The following DOCK1 variants were observed in gnomAD, a reference collection of about 807,000 sequenced individuals.
The protein encoded by DOCK1 is dedicator of cytokinesis 1.
Under a neutral mutation model 262.7 loss-of-function variants are expected in DOCK1, and 138 were observed. That is an observed-to-expected ratio of 0.53 (90% CI 0.46 to 0.61). The LOEUF (loss-of-function observed/expected upper bound fraction) is 0.61. DOCK1 is among the 20% of genes least tolerant of loss of function. The pLI is 0.00. For missense variants in DOCK1, 1,908 were observed against 2,370.7 expected (o/e 0.80, Z 4.05); for synonymous variants, 866 against 867.4 (o/e 1.00, Z 0.03).
At chr10:127,427,396 G>A (rs2068888630) in intron 47 of DOCK1, among the ~76,000 whole-genome samples, 1 of 152,162 alleles carries the variant, frequency 6.6e-6, no homozygotes, top group Non-Finnish European at 1.5e-5. Flanking sequence ...ATTGAACCCT[G>A]TTTTCTTTGA....
At chr10:127,050,849 A>AT (rs2044678701) in intron 21 of DOCK1, among the ~76,000 whole-genome samples, 1 of 152,230 alleles carries the variant, frequency 6.6e-6, no homozygotes, top group African/African-American at 2.4e-5. Flanking sequence ...ATTTTAAAAA[A>AT]TTAAGCTTCT....
At chr10:127,402,843 G>A (rs1477176019) in intron 38 of DOCK1, 17 of 661,826 alleles carry the variant, frequency 2.6e-5, no homozygotes, top group Non-Finnish European at 4.2e-5. Flanking sequence ...TGACATGCCA[G>A]TGATTGACCT....
chr10:126,908,061 TA>T (rs2031192070), intron 1 of DOCK1, among the ~76,000 whole-genome samples: 1 of 151,392 alleles, frequency 6.6e-6, no homozygotes, highest in Non-Finnish European at 1.5e-5. Context: ...GCTTGCTGGG[TA>T]GACAGTAATG....
chr10:127,340,992 T>A lies in DOCK1; in HGVS notation c.3123+1908T>A, dbSNP rs796397685. Among the ~76,000 whole-genome samples the A allele has an allele frequency of 5.3e-5, 8 of 152,350 alleles. 2 individuals carry two copies. Among genetic ancestry groups the A allele is most frequent in the African/African-American group, 1.7e-4 (7 of 41,592 alleles). The stretch of plus-strand genomic sequence containing the variant: ...TTATTTCTTTTACAGCTATCTGGTT[T>A]CATGTTTTACTTGGCAAATCTCTCC... On this transcript the variant is annotated intron_variant, in intron 30 of 51. Transcript: ENST00000623213.
At chr10:127,351,333 T>A (rs1217501321) in intron 31 of DOCK1, among the ~76,000 whole-genome samples, 1 of 152,104 alleles carries the variant, frequency 6.6e-6, no homozygotes, top group Non-Finnish European at 1.5e-5. Context: ...GGCATGTGTG[T>A]TCCCCACTGT....
Position 127,447,530 on chromosome 10 carries a change from C to G in DOCK1, c.5550C>G (p.Pro1850=), listed in dbSNP as rs767534471. The G allele has an allele frequency of 5.0e-6, 8 of 1,613,766 alleles. No homozygotes were observed. In the African/African-American group the frequency reaches 9.3e-5, roughly 19 times the overall value. Residue 1850 remains proline (P), a synonymous_variant, in exon 51 of 52, where the codon CCC becomes CCG. Transcript: ENST00000623213. Reference sequence around the variant, plus strand: ...TGGGCTCGCCAACACCTCCACCTCCCCCTCCACACCAGAGGGTAAGTCGGC... The same window carrying G: ...TGGGCTCGCCAACACCTCCACCTCCGCCTCCACACCAGAGGGTAAGTCGGC... ...DLLGSPTPPP[P]PPHQRHLPPP...
chr10:127,375,937 A>C lies in DOCK1; in HGVS notation c.3675+1723A>C, dbSNP rs185825188. Among the ~76,000 whole-genome samples, 9 of 152,344 alleles carry C rather than the reference A, an allele frequency of 5.9e-5. No individual in the cohort carries two copies. In the East Asian group the frequency reaches 1.7e-3, roughly 29 times the overall value. On this transcript the variant is annotated intron_variant, in intron 35 of 51. Coordinates refer to ENST00000623213, the MANE Select transcript of DOCK1 (RefSeq NM_001290223.2). ...CTGACCCCAAAGTCAAAGAAACAGGAGGATACAGAGAACCACAGAGTGGAA... is the reference window on the plus strand; with the variant it reads ...CTGACCCCAAAGTCAAAGAAACAGGCGGATACAGAGAACCACAGAGTGGAA...
intron 29 of DOCK1, among the ~76,000 whole-genome samples, chr10:127,293,770 C>T (rs1382804425): frequency 1.3e-5 from 2 of 152,214 alleles, no homozygotes; most frequent in Non-Finnish European, 2.9e-5. Context: ...GTGTTGGTGG[C>T]ACCCACTGTG....
In DOCK1 at chr10:127,203,177, C is replaced by T. The variant is rs146643018; in HGVS notation, c.2848-44831C>T. ...TATTAAAATGATTCATCACAATATA[C>T]GTATCCCATCTATACCACAAGAGGC... On this transcript the variant is annotated intron_variant, in intron 27 of 51. Coordinates refer to ENST00000623213, the MANE Select transcript of DOCK1 (RefSeq NM_001290223.2). Among the ~76,000 whole-genome samples the T allele has an allele frequency of 3.0e-3, 460 of 152,320 alleles. 1 individual carries two copies. Among genetic ancestry groups the T allele is most frequent in the Middle Eastern group, 0.01 (3 of 294 alleles).
At chr10:126,946,543 C>T (rs2134299744) in intron 1 of DOCK1, among the ~76,000 whole-genome samples, 1 of 152,192 alleles carries the variant, frequency 6.6e-6, no homozygotes, top group South Asian at 2.1e-4. Flanking sequence ...GAGACTTCAT[C>T]TAAAAAAAGA....
chr10:127,198,741 C>CTT (rs1491137938), intron 27 of DOCK1, among the ~76,000 whole-genome samples: 2 of 36,576 alleles, frequency 5.5e-5, no homozygotes, highest in East Asian at 6.7e-4. Flanking sequence ...ATTGGCATCG[C>CTT]TTCTTTTTTT....
intron 38 of DOCK1, among the ~76,000 whole-genome samples, chr10:127,398,575 G>A (rs75274001): frequency 0.1 from 15,564 of 152,312 alleles, 862 homozygotes; most frequent in Middle Eastern, 0.16. Context: ...AGAGACCTGT[G>A]TGGGACTCTG....
intron 27 of DOCK1, among the ~76,000 whole-genome samples, chr10:127,199,472 G>T (rs1156864709): frequency 6.6e-6 from 1 of 152,164 alleles, no homozygotes; most frequent in Non-Finnish European, 1.5e-5. Context: ...AGTAGATAAA[G>T]ATTTCTTGGT....
At chr10:126,907,063 A>G (rs1248380724) in intron 1 of DOCK1, among the ~76,000 whole-genome samples, 3 of 152,148 alleles carry the variant, frequency 2.0e-5, no homozygotes, top group African/African-American at 7.2e-5. Context: ...TGTAACCTGC[A>G]CCCTGTGCAC....
intron 27 of DOCK1, among the ~76,000 whole-genome samples, chr10:127,199,272 C>T (rs2057350936): frequency 6.6e-6 from 1 of 152,068 alleles, no homozygotes; most frequent in South Asian, 2.1e-4. Context: ...CTTCTTTTGC[C>T]TTCTTCTTGG....
intron 29 of DOCK1, among the ~76,000 whole-genome samples, chr10:127,303,402 T>C (rs1193340870): frequency 1.3e-5 from 2 of 152,112 alleles, no homozygotes; most frequent in Non-Finnish European, 2.9e-5. Flanking sequence ...AATGCCTAGT[T>C]GAGAAGAGAG....
chr10:127,169,198 C>T (rs2054343547), intron 27 of DOCK1, among the ~76,000 whole-genome samples: 1 of 152,154 alleles, frequency 6.6e-6, no homozygotes, highest in Non-Finnish European at 1.5e-5. Flanking sequence ...GTGTGTCATA[C>T]ACACACAGAG....
chr10:127,107,548 T>C (rs2048603567), intron 24 of DOCK1, among the ~76,000 whole-genome samples: 1 of 152,162 alleles, frequency 6.6e-6, no homozygotes, highest in South Asian at 2.1e-4. Context: ...ACGGGCGGTG[T>C]CTGCCCACCT....
chr10:127,407,311 A>G (rs1306086191), intron 40 of DOCK1, among the ~76,000 whole-genome samples: 1 of 152,000 alleles, frequency 6.6e-6, no homozygotes, highest in Non-Finnish European at 1.5e-5. Flanking sequence ...GCAGATTTGG[A>G]GTCTGGGGAG....
Sources: allele counts gnomAD v4.1 joint callset (sites outside exome capture counted in the v4.1 genomes callset), GRCh38; gene constraint gnomAD v4.1.1; transcripts MANE v1.5; gene names NCBI Gene and HGNC (gene_info 2026-07-23, HGNC 2026-07-21).